Variants in DAB1 observed in about 807,000 individuals in gnomAD.
DAB1 encodes disabled homolog 1.
DAB1 carries 15 observed loss-of-function variants against 64.6 expected under a neutral mutation model. That is an observed-to-expected ratio of 0.23 (90% confidence interval 0.16 to 0.36). DAB1 has a LOEUF of 0.36. DAB1 is among the 10% of genes least tolerant of loss of function. The pLI is 1.00. For synonymous variants in DAB1, 235 were observed against 251.9 expected (o/e 0.93, Z 0.64); for missense variants, 596 against 706.7 (o/e 0.84, Z 1.78).
At position 57,503,432 on chromosome 1, in the gene DAB1, G is replaced by C. The variant is rs534641648; in HGVS notation, n.625+146160C>G. Among the ~76,000 whole-genome samples, 13 of 152,240 alleles carry C rather than the reference G, an allele frequency of 8.5e-5. No individual in the cohort carries two copies. The East Asian group carries it at 1.4e-3, about 16-fold the overall frequency. On this transcript the variant is annotated intron_variant and non_coding_transcript_variant, in intron 7 of 20. Transcript: ENST00000485760. ...TAAAAATCTCCCCTGGACCTTTGCT[G>C]TTCCCTCCTAACTAGTCTTATTGCC...
chr1:58,074,179 T>C (rs1557638634), intron 5 of DAB1, among the ~76,000 whole-genome samples: 1 of 152,068 alleles, frequency 6.6e-6, no homozygotes, highest in Admixed American at 6.6e-5. Flanking sequence ...ACTTCAAAGG[T>C]TGCAGATAGG....
At chr1:57,012,067 A>G (rs1646283576) in intron 12 of DAB1, among the ~76,000 whole-genome samples, 1 of 152,168 alleles carries the variant, frequency 6.6e-6, no homozygotes, top group South Asian at 2.1e-4. Flanking sequence ...CAAATATGCC[A>G]TTTGATACCA....
intron 8 of DAB1, among the ~76,000 whole-genome samples, chr1:57,063,574 T>C (rs987481488): frequency 2.0e-5 from 3 of 152,200 alleles, no homozygotes; most frequent in Admixed American, 2.0e-4. Flanking sequence ...CTCATCCATC[T>C]GGTCTCACTG....
intron 5 of DAB1, among the ~76,000 whole-genome samples, chr1:58,052,988 T>C (rs888055500): frequency 6.6e-6 from 1 of 152,160 alleles, no homozygotes; most frequent in Non-Finnish European, 1.5e-5. Flanking sequence ...AGAGGTCACA[T>C]GGTGAAAGAA....
At chr1:57,216,389 G>A (rs1197949097) in intron 2 of DAB1, among the ~76,000 whole-genome samples, 1 of 152,072 alleles carries the variant, frequency 6.6e-6, no homozygotes, top group Non-Finnish European at 1.5e-5. Flanking sequence ...TAATTCCACT[G>A]ATACTCATTA....
chr1:57,947,022 A>G (rs1430229480), intron 5 of DAB1, among the ~76,000 whole-genome samples: 5 of 152,156 alleles, frequency 3.3e-5, no homozygotes, highest in Non-Finnish European at 1.5e-5. Flanking sequence ...TATCATGGCA[A>G]TGCTGATTAC....
intron 2 of DAB1, among the ~76,000 whole-genome samples, chr1:57,147,036 T>A (rs903238517): frequency 8.4e-5 from 5 of 59,758 alleles, no homozygotes; most frequent in African/African-American, 2.4e-4. Context: ...CTGTTTTTCT[T>A]TTTTTTTTTT....
chr1:57,434,491 C>T (rs930252614), intron 7 of DAB1, among the ~76,000 whole-genome samples: 2 of 152,128 alleles, frequency 1.3e-5, no homozygotes, highest in Non-Finnish European at 2.9e-5. Flanking sequence ...AGATAGGTTA[C>T]CTGGAAAGGG....
intron 6 of DAB1, among the ~76,000 whole-genome samples, chr1:57,732,234 A>G (rs1347403068): frequency 6.6e-6 from 1 of 152,214 alleles, no homozygotes; most frequent in Admixed American, 6.5e-5. Flanking sequence ...CACCTGGAAG[A>G]TGCAGATGAA....
chr1:57,114,873 G>T (rs565392902), intron 4 of DAB1, among the ~76,000 whole-genome samples: 108 of 152,238 alleles, frequency 7.1e-4, no homozygotes, highest in African/African-American at 2.5e-3. Context: ...TCCATTTCAG[G>T]CTCTGCCACT....
At chr1:57,320,132 G>A (rs546873345) in intron 1 of DAB1, among the ~76,000 whole-genome samples, 7 of 152,240 alleles carry the variant, frequency 4.6e-5, no homozygotes, top group African/African-American at 7.2e-5. Context: ...ATCTCATCTC[G>A]AATTGTGTCA....
At chr1:57,664,676 C>T (rs892266431) in intron 6 of DAB1, among the ~76,000 whole-genome samples, 1 of 151,918 alleles carries the variant, frequency 6.6e-6, no homozygotes, top group Admixed American at 6.6e-5. Context: ...TCTATACATC[C>T]TTATTACAGT....
chr1:57,499,704 G>T (rs930862201), intron 7 of DAB1, among the ~76,000 whole-genome samples: 2 of 152,210 alleles, frequency 1.3e-5, no homozygotes, highest in Non-Finnish European at 2.9e-5. Context: ...TAACTTAAGG[G>T]CAATGTATTG....
chr1:58,191,403 C>T (rs1345842450), intron 4 of DAB1, among the ~76,000 whole-genome samples: 2 of 151,920 alleles, frequency 1.3e-5, no homozygotes, highest in South Asian at 4.2e-4. Flanking sequence ...TTTTTTCAAT[C>T]GGAATCCCAA....
chr1:57,585,538 C>T (rs1358020787), intron 7 of DAB1, among the ~76,000 whole-genome samples: 3 of 152,154 alleles, frequency 2.0e-5, no homozygotes, highest in Admixed American at 6.5e-5. Context: ...TTTCCTTGAA[C>T]GTGCATGCAT....
intron 4 of DAB1, among the ~76,000 whole-genome samples, chr1:58,290,457 G>A (rs1661790004): frequency 6.6e-6 from 1 of 152,114 alleles, no homozygotes; most frequent in Non-Finnish European, 1.5e-5. Flanking sequence ...AACATGTCAG[G>A]CAGGAAGCAG....
chr1:58,452,865 C>T (rs559101091), intron 3 of DAB1, among the ~76,000 whole-genome samples: 1 of 149,800 alleles, frequency 6.7e-6, no homozygotes, highest in Non-Finnish European at 1.5e-5. Context: ...AAAAAAAAAA[C>T]AAAGCTAAAC....
intron 7 of DAB1, among the ~76,000 whole-genome samples, chr1:57,568,026 T>C (rs1000264931): frequency 6.6e-6 from 1 of 152,152 alleles, no homozygotes; most frequent in African/African-American, 2.4e-5. Context: ...CCTCAACCTA[T>C]ACTATAAGGC....
intron 7 of DAB1, among the ~76,000 whole-genome samples, chr1:57,574,267 T>C (rs1422738340): frequency 1.3e-5 from 2 of 152,074 alleles, no homozygotes; most frequent in Non-Finnish European, 2.9e-5. Flanking sequence ...AAAGAGGGCA[T>C]GGCTGGAGGA....
Sources: gnomAD v4.1 joint callset for allele counts (sites outside exome capture counted in the v4.1 genomes callset) on GRCh38, gnomAD v4.1.1 for gene constraint, MANE v1.5 for transcripts, NCBI Gene and HGNC (gene_info 2026-07-23, HGNC 2026-07-21) for gene names.